NBPF11: variants seen among roughly 807,000 people sequenced by gnomAD.
NBPF11 encodes the protein NBPF family member NBPF11.
Under a neutral mutation model 93.9 loss-of-function variants are expected in NBPF11, and 72 were observed. The ratio of observed to expected loss-of-function variants is 0.77; its 90% CI spans 0.63 to 0.93. NBPF11 has a LOEUF of 0.93. NBPF11 is among the 40% of genes least tolerant of loss of function. The pLI, the probability that NBPF11 is intolerant of heterozygous loss-of-function variation, is 0.00. For missense variants in NBPF11, 705 were observed against 802.2 expected (o/e 0.88, Z 1.46); for synonymous variants, 224 against 304.9 (o/e 0.73, Z 2.76).
At chr1:148,122,689 T>A (rs1174753824) in intron 8 of NBPF11, 40 bp downstream of exon 8, 1 of 1,605,412 alleles carries the variant, frequency 6.2e-7, no homozygotes, top group South Asian at 1.1e-5. Context: ...CATTTTCATA[T>A]GTTACCACCC....
intron 2 of NBPF11, among the ~76,000 whole-genome samples, chr1:148,142,352 T>A (rs1169723529): frequency 4.0e-5 from 6 of 151,800 alleles, no homozygotes; most frequent in Non-Finnish European, 8.8e-5. Context: ...TGAAACACAT[T>A]ATTCCTCTGG....
intron 1 of NBPF11, among the ~76,000 whole-genome samples, chr1:148,147,405 A>G (rs1263584069): frequency 6.6e-6 from 1 of 152,042 alleles, no homozygotes; most frequent in Non-Finnish European, 1.5e-5. Context: ...GGTAAGGTGC[A>G]GACCCGCAGC....
At chr1:148,146,749 G>C (rs1450285295) in intron 1 of NBPF11, 1 of 1,612,726 alleles carries the variant, frequency 6.2e-7, no homozygotes, top group African/African-American at 1.3e-5. Context: ...CTTCTCGCAC[G>C]GCAATGCCGT....
rs1256682875 is a variant in NBPF11, at chr1:148,103,615, G to C, written c.*281C>G. 1.9e-6 allele frequency: 3 copies of C among 1,610,338 alleles called. No individual in the cohort carries two copies. Among genetic ancestry groups the C allele is most frequent in the Non-Finnish European group, 2.5e-6 (3 of 1,178,642 alleles). On this transcript the variant is annotated 3_prime_UTR_variant, in exon 24 of 24. Coordinates refer to ENST00000682118, the MANE Select transcript of NBPF11 (RefSeq NM_001385469.3). ...ACTATAGTTTCATTCAAATCTTCAG[G>C]TGCCTATAGGTCCTGCCTGCAGGAA...
At chr1:148,148,006 CG>C (rs1384039938) in intron 1 of NBPF11, among the ~76,000 whole-genome samples, 12 of 152,074 alleles carry the variant, frequency 7.9e-5, no homozygotes, top group Admixed American at 7.9e-4. Flanking sequence ...GGATGTGTCC[CG>C]TTCGTTTGAG....
chr1:148,150,682 T>G (rs1648057409), intron 1 of NBPF11, among the ~76,000 whole-genome samples: 1 of 151,364 alleles, frequency 6.6e-6, no homozygotes, highest in African/African-American at 2.4e-5. Flanking sequence ...AAAGAAAGGA[T>G]GAACAACACT....
chr1:148,103,905 T>A lies in NBPF11; in HGVS notation c.2589A>T (p.Ala863=), dbSNP rs1222300007. 10 of 1,610,810 alleles carry A rather than the reference T, an allele frequency of 6.2e-6. No individual in the cohort carries two copies. Among genetic ancestry groups the A allele is most frequent in the Non-Finnish European group, 8.5e-6 (10 of 1,179,102 alleles). Residue 863 remains alanine (A), a synonymous_variant, in exon 24 of 24, where the codon GCA becomes GCT. Coordinates refer to ENST00000682118, the MANE Select transcript of NBPF11 (RefSeq NM_001385469.3). The part of the protein sequence containing the change: ...KIKTHHAPGS[A]AC The stretch of plus-strand genomic sequence containing the variant: ...GGCACTTCCACTTCCATCAGCACGC[T>A]GCTGAGCCTGGAAAAGGAGACAAAA...
At chr1:148,143,237 G>T (rs1157911045) in intron 2 of NBPF11, among the ~76,000 whole-genome samples, 178 bp downstream of exon 2, 1 of 152,042 alleles carries the variant, frequency 6.6e-6, no homozygotes, top group Non-Finnish European at 1.5e-5. Context: ...CAAGTCCAGG[G>T]CGGCACACGC....
At position 148,138,263 on chromosome 1, in the gene NBPF11, C is replaced by T. The variant is rs1271085935; in HGVS notation, c.-276-454G>A. Reference sequence around the variant, plus strand: ...TATCTCAGTAGATGGAATATACAATCGGGCTTTACACCGAGACATTCCATT... The same window carrying T: ...TATCTCAGTAGATGGAATATACAATTGGGCTTTACACCGAGACATTCCATT... On this transcript the variant is annotated intron_variant, in intron 2 of 23. Coordinates refer to ENST00000682118, the MANE Select transcript of NBPF11 (RefSeq NM_001385469.3). Among the ~76,000 whole-genome samples the T allele has an allele frequency of 9.9e-4, 149 of 151,110 alleles. 1 individual carries two copies. Among genetic ancestry groups the T allele is most frequent in the East Asian group, 4.9e-3 (25 of 5,056 alleles).
intron 1 of NBPF11, among the ~76,000 whole-genome samples, chr1:148,145,608 C>T (rs1191345306): frequency 6.6e-6 from 1 of 151,512 alleles, no homozygotes; most frequent in Non-Finnish European, 1.5e-5. Flanking sequence ...TGGCCGGGTG[C>T]GGTAGCTCAT....
chr1:148,146,404 C>A, intron 1 of NBPF11: 1 of 1,600,452 alleles, frequency 6.2e-7, no homozygotes, highest in Non-Finnish European at 8.5e-7. Context: ...CATGAACGGG[C>A]TGTCGCTGAG....
At chr1:148,116,875 A>T (rs1435413399) in intron 12 of NBPF11, among the ~76,000 whole-genome samples, 1 of 152,142 alleles carries the variant, frequency 6.6e-6, no homozygotes, top group Non-Finnish European at 1.5e-5. Context: ...GTGTCCTGTC[A>T]CAGTTTGCAT....
intron 2 of NBPF11, among the ~76,000 whole-genome samples, 175 bp from the exon 3 acceptor site, chr1:148,137,984 A>C (rs1328531220): frequency 6.6e-6 from 1 of 150,576 alleles, no homozygotes; most frequent in Non-Finnish European, 1.5e-5. Flanking sequence ...CCATGCCTGC[A>C]CTGGCCTCTG....
At chr1:148,117,034 A>C (rs3992639) in intron 12 of NBPF11, among the ~76,000 whole-genome samples, 110 of 152,200 alleles carry the variant, frequency 7.2e-4, no homozygotes, top group African/African-American at 1.6e-3. Flanking sequence ...TTCCTACCAC[A>C]AAATGCCCCC....
intron 23 of NBPF11, among the ~76,000 whole-genome samples, chr1:148,104,193 G>C (rs1453115704): frequency 2.0e-3 from 291 of 142,330 alleles, no homozygotes; most frequent in South Asian, 3.4e-3. Flanking sequence ...TACTGGTAAG[G>C]GAGTCAAAGG....
chr1:148,122,099 T>G lies in NBPF11; in HGVS notation c.734A>C (p.Glu245Ala). 1 of 1,613,034 alleles carries G rather than the reference T, an allele frequency of 6.2e-7. No individual in the cohort carries two copies. Among genetic ancestry groups the G allele is most frequent in the East Asian group, 2.2e-5 (1 of 44,888 alleles). Residue 245 changes from glutamate to alanine, a missense_variant, in exon 9 of 24, where the codon GAA (glutamate) becomes GCA (alanine). By Grantham distance (107) the Glu-to-Ala change is moderately radical. This residue lies in a region of NBPF11 where 262 missense variants were observed against 223.1 expected (regional missense o/e 1.17). Transcript: ENST00000682118. ...KVNSSLVVDR[E>A]SSHDGCQDAL... ...ATCCTGACATCCATCATGAGAGGAT[T>G]CTCTGTCTACAACCAGAGATGAGTT...
chr1:148,139,026 G>T (rs1477788661), intron 2 of NBPF11, among the ~76,000 whole-genome samples: 1 of 151,436 alleles, frequency 6.6e-6, no homozygotes, highest in Non-Finnish European at 1.5e-5. Flanking sequence ...AGGAGGTGGA[G>T]GTTGCAGTGA....
intron 9 of NBPF11, among the ~76,000 whole-genome samples, chr1:148,121,180 G>A (rs1440870932): frequency 5.3e-5 from 8 of 151,602 alleles, no homozygotes; most frequent in Admixed American, 2.6e-4. Flanking sequence ...AAGCATCTGG[G>A]ATTACAAGCG....
chr1:148,146,409 G>C (rs1475844480), intron 1 of NBPF11: 1 of 1,601,546 alleles, frequency 6.2e-7, no homozygotes, highest in Non-Finnish European at 8.5e-7. Flanking sequence ...ACGGGCTGTC[G>C]CTGAGTGAGC....
Sources: allele counts gnomAD v4.1 joint callset (sites outside exome capture counted in the v4.1 genomes callset), GRCh38; gene constraint gnomAD v4.1.1; regional missense constraint gnomAD v4.1.1; transcripts MANE v1.5; gene names NCBI Gene and HGNC (gene_info 2026-07-23, HGNC 2026-07-21).